The following MSR1 variants were observed in gnomAD, a reference collection of about 807,000 sequenced individuals.
MSR1 encodes the protein macrophage scavenger receptor types I and II.
In MSR1, 53 loss-of-function variants were observed where a neutral mutation model predicts 47.2. That is an observed-to-expected ratio of 1.12 (90% confidence interval 0.90 to 1.41). The LOEUF (loss-of-function observed/expected upper bound fraction) is 1.41. MSR1 is among the 40% of genes most tolerant of loss of function. MSR1 has a pLI of 0.00. For synonymous variants in MSR1, 239 were observed against 185.6 expected (o/e 1.29, Z -2.34); for missense variants, 786 against 546.9 (o/e 1.44, Z -4.36).
chr8:16,149,024 G>C (rs1800774235), intron 7 of MSR1, among the ~76,000 whole-genome samples: 1 of 152,114 alleles, frequency 6.6e-6, no homozygotes, highest in South Asian at 2.1e-4. Context: ...CCAAGAGATT[G>C]TGGTGGGGAG....
At chr8:16,158,599 T>G (rs1053446375) in intron 5 of MSR1, among the ~76,000 whole-genome samples, 2 of 152,026 alleles carry the variant, frequency 1.3e-5, no homozygotes, top group Non-Finnish European at 2.9e-5. Flanking sequence ...CTGCCACATC[T>G]TCTAGTCTAT....
chr8:16,148,253 CT>C (rs763373786), intron 7 of MSR1, among the ~76,000 whole-genome samples: 6 of 152,062 alleles, frequency 3.9e-5, no homozygotes, highest in Non-Finnish European at 8.8e-5. Context: ...CTGTATCCAG[CT>C]CCTTAAGAAA....
chr8:16,178,166 T>C (rs930143781), intron 1 of MSR1, among the ~76,000 whole-genome samples, 174 bp from the exon 2 acceptor site: 2 of 151,826 alleles, frequency 1.3e-5, no homozygotes, highest in Admixed American at 6.6e-5. Flanking sequence ...AGGTCTGTCA[T>C]ATATTATACA....
chr8:16,111,684 A>G (rs1799759242), intron 9 of MSR1, among the ~76,000 whole-genome samples: 1 of 151,920 alleles, frequency 6.6e-6, no homozygotes, highest in South Asian at 2.1e-4. Context: ...TGGTCCTGAT[A>G]ATGAAAATTT....
rs113168133 is a variant in MSR1, at chr8:16,138,760, T to A, written c.1033+4798A>T. Among the ~76,000 whole-genome samples the A allele has an allele frequency of 8.4e-3, 1,275 of 152,274 alleles. 17 individuals carry two copies. The highest frequency in any genetic ancestry group is 0.027 in the African/African-American group (1,124 of 41,556). Reference sequence around the variant, plus strand: ...AAAGGAGTTACAACTTATCTCTAGATGTTTGTGTAAACTGGCTATTCAATG... The same window carrying A: ...AAAGGAGTTACAACTTATCTCTAGAAGTTTGTGTAAACTGGCTATTCAATG... On this transcript the variant is annotated intron_variant, in intron 8 of 9. Coordinates refer to ENST00000262101, the MANE Select transcript of MSR1 (RefSeq NM_138715.3).
chr8:16,144,464 T>C (rs1262293188), intron 7 of MSR1, among the ~76,000 whole-genome samples: 6 of 152,160 alleles, frequency 3.9e-5, no homozygotes, highest in Non-Finnish European at 1.5e-5. Context: ...CCTTTGTTAA[T>C]GTTTTTGATT....
intron 8 of MSR1, 35 bp downstream of exon 8, chr8:16,143,523 G>A: frequency 6.3e-7 from 1 of 1,583,992 alleles, no homozygotes. Context: ...CTTATTACAA[G>A]AATTCACACA....
chr8:16,186,267 C>A, intron 1 of MSR1: 1 of 1,396,412 alleles, frequency 7.2e-7, no homozygotes, highest in Non-Finnish European at 9.8e-7. Context: ...GTCTCAACAG[C>A]AGAGTGAGCC....
chr8:16,180,952 T>A (rs888013431), intron 1 of MSR1, among the ~76,000 whole-genome samples: 1 of 152,078 alleles, frequency 6.6e-6, no homozygotes, highest in Non-Finnish European at 1.5e-5. Context: ...TCTTCTCCTT[T>A]CTCAGGTAGA....
intron 8 of MSR1, chr8:16,121,073 A>G: frequency 2.6e-6 from 1 of 382,744 alleles, no homozygotes; most frequent in Non-Finnish European, 5.0e-6. Context: ...TAAACACAAA[A>G]ATAGGTGATC....
chr8:16,150,571 T>C (rs141385838), intron 6 of MSR1, among the ~76,000 whole-genome samples: 8 of 151,934 alleles, frequency 5.3e-5, no homozygotes, highest in South Asian at 2.1e-4. Flanking sequence ...TTAGGAAAAA[T>C]AGATCTTGGA....
intron 1 of MSR1, among the ~76,000 whole-genome samples, chr8:16,189,332 T>TATATACATAAAATCTTATTTATATTTC (rs1802100544): frequency 2.2e-5 from 2 of 92,320 alleles, no homozygotes; most frequent in East Asian, 2.9e-4. Context: ...TTACATTTCA[T>TATATACATAAAATCTTATTTATATTTC]ATATATATAA....
At chr8:16,154,069 T>C (rs1204150109) in intron 6 of MSR1, among the ~76,000 whole-genome samples, 11 of 151,876 alleles carry the variant, frequency 7.2e-5, no homozygotes, top group South Asian at 4.2e-4. Context: ...TATATATTTA[T>C]ATACATATAT....
rs1308276830 is a variant in MSR1, at chr8:16,118,008, AG to A, written c.1222+2409del. 2.0e-5 allele frequency among the ~76,000 whole-genome samples: 3 copies of A among 152,162 alleles called. 1 individual carries two copies. Among genetic ancestry groups the A allele is most frequent in the Non-Finnish European group, 4.4e-5 (3 of 68,008 alleles). ...ACAAAACTGGTCCCTGGTGCCAAAA[AG>A]GTTGGGAACCACTGTCTTAAAGAAA... On this transcript the variant is annotated intron_variant, in intron 9 of 9. Transcript: ENST00000262101.
At chr8:16,142,141 C>A in intron 8 of MSR1, among the ~76,000 whole-genome samples, 1 of 151,752 alleles carries the variant, frequency 6.6e-6, no homozygotes, top group East Asian at 1.9e-4. Context: ...CCAGCCTGGT[C>A]AAAATGGTGA....
At chr8:16,154,572 T>A (rs944461103) in intron 6 of MSR1, among the ~76,000 whole-genome samples, 1 of 152,040 alleles carries the variant, frequency 6.6e-6, no homozygotes, top group East Asian at 1.9e-4. Flanking sequence ...ATATTCCAAA[T>A]ACTATATAAG....
intron 5 of MSR1, among the ~76,000 whole-genome samples, chr8:16,162,640 T>A (rs1206831567): frequency 6.6e-6 from 1 of 151,972 alleles, no homozygotes; most frequent in Admixed American, 6.6e-5. Flanking sequence ...GAAGAGAAAC[T>A]GATTGCCAGG....
chr8:16,190,717 T>C (rs1011295903), intron 1 of MSR1, among the ~76,000 whole-genome samples: 4 of 142,838 alleles, frequency 2.8e-5, no homozygotes, highest in African/African-American at 1.2e-4. Context: ...TCTTTCTTTT[T>C]TCTTTCTTTC....
chr8:16,164,372 A>C, intron 4 of MSR1, 121 bp from the exon 5 acceptor site: 1 of 754,962 alleles, frequency 1.3e-6, no homozygotes, highest in Admixed American at 2.7e-5. Context: ...TTATGGAATA[A>C]GAATATAGAA....
Sources: allele counts gnomAD v4.1 joint callset (sites outside exome capture counted in the v4.1 genomes callset), GRCh38; gene constraint gnomAD v4.1.1; transcripts MANE v1.5; gene names NCBI Gene and HGNC (gene_info 2026-07-23, HGNC 2026-07-21).